The following RAPGEF1 variants were observed in gnomAD, a reference collection of about 807,000 sequenced individuals.
The protein encoded by RAPGEF1 is CRK SH3-binding GNRP.
RAPGEF1 carries 33 observed loss-of-function variants against 143.3 expected under a neutral mutation model. The observed-to-expected ratio is 0.23, with a 90% CI of 0.17 to 0.31. The LOEUF is 0.31. Ranked by LOEUF, RAPGEF1 falls within the 10% of genes least tolerant of loss-of-function variation. The pLI is 1.00. For missense variants in RAPGEF1, 1,199 were observed against 1,645.4 expected (o/e 0.73, Z 4.69); for synonymous variants, 629 against 676.5 (o/e 0.93, Z 1.09).
At position 131,650,173 on chromosome 9, in the gene RAPGEF1, A is replaced by G. The variant is rs1440670679; in HGVS notation, c.271T>C (p.Phe91Leu). 1 of 1,613,924 alleles carries G rather than the reference A, an allele frequency of 6.2e-7. No homozygotes were observed. Among genetic ancestry groups the G allele is most frequent in the South Asian group, 1.1e-5 (1 of 91,066 alleles). ...GAAGCCACAGCACTGGTGGACATAA[A>G]TTCTACTGCCTGCTGCTCCAGATCC... The part of the protein sequence containing the change: ...PLDLEQQAVE[F>L]MSTSAVASRS... The change falls in exon 3 of 27, where the codon TTT (phenylalanine) becomes CTT (leucine). Residue 91 changes from phenylalanine to leucine, a missense_variant. Coordinates refer to ENST00000683357, the MANE Select transcript of RAPGEF1 (RefSeq NM_001377935.1). The surrounding 1 kb of genome is among the most constrained non-coding windows in gnomAD (Gnocchi z 4.7).
chr9:131,714,610 A>G (rs1445131482), intron 1 of RAPGEF1, among the ~76,000 whole-genome samples: 2 of 152,104 alleles, frequency 1.3e-5, no homozygotes, highest in Non-Finnish European at 2.9e-5. Flanking sequence ...ATATAAACAA[A>G]AGCGATGACC....
Position 131,584,472 on chromosome 9 carries a change from G to A in RAPGEF1, c.3312+46C>T. 6.2e-7 allele frequency: 1 copy of A among 1,611,968 alleles called. No individual in the cohort carries two copies. On this transcript the variant is annotated intron_variant, in intron 23 of 26. Transcript: ENST00000683357. The surrounding 1 kb of genome is among the most constrained non-coding windows in gnomAD (Gnocchi z 6.8). ...GGCAGGCGGGTCCCGGGCTCCCAGAGCAGGGACTGATGATGGGGGCCTGGG... is the reference window on the plus strand; with the variant it reads ...GGCAGGCGGGTCCCGGGCTCCCAGAACAGGGACTGATGATGGGGGCCTGGG...
chr9:131,678,836 T>C (rs949936975), intron 1 of RAPGEF1, among the ~76,000 whole-genome samples: 21 of 152,096 alleles, frequency 1.4e-4, no homozygotes, highest in African/African-American at 5.1e-4. Context: ...GCCCTCTTCC[T>C]CCTCAGAGCA....
At position 131,628,963 on chromosome 9, in the gene RAPGEF1, G is replaced by T; in HGVS notation, c.893+139C>A. Reference sequence around the variant, plus strand: ...TCAGGGTGGCCAGCGAGGGCCGGCGGGGTGGGGACAGCTCCAGAGTCAGCC... The same window carrying T: ...TCAGGGTGGCCAGCGAGGGCCGGCGTGGTGGGGACAGCTCCAGAGTCAGCC... On this transcript the variant is annotated intron_variant, in intron 7 of 26. Transcript: ENST00000683357. This position sits in a 1 kb window ranked among gnomAD's most constrained non-coding sequence, Gnocchi z 5.7. The T allele has an allele frequency of 8.4e-7, 1 of 1,188,118 alleles. No individual in the cohort carries two copies. Among genetic ancestry groups the T allele is most frequent in the Non-Finnish European group, 1.1e-6 (1 of 871,452 alleles). The allele number at this position is 1,188,118 out of a possible 1,614,324, so 73.6% of individuals were successfully genotyped here.
intron 1 of RAPGEF1, among the ~76,000 whole-genome samples, chr9:131,735,943 A>T (rs950828041): frequency 2.6e-5 from 4 of 152,164 alleles, no homozygotes; most frequent in African/African-American, 7.2e-5. Flanking sequence ...CCAACCCAAC[A>T]TATCTGTGGA....
At chr9:131,686,458 C>T (rs190924040) in intron 1 of RAPGEF1, among the ~76,000 whole-genome samples, 15 of 152,180 alleles carry the variant, frequency 9.9e-5, no homozygotes, top group African/African-American at 3.4e-4. Flanking sequence ...CCCAACCCCC[C>T]ACCTGTATGG....
chr9:131,719,374 T>A (rs1836091379), intron 1 of RAPGEF1, among the ~76,000 whole-genome samples: 1 of 152,252 alleles, frequency 6.6e-6, no homozygotes, highest in Non-Finnish European at 1.5e-5. Flanking sequence ...GAAGCAGAAG[T>A]GTCACCATTT....
intron 15 of RAPGEF1, among the ~76,000 whole-genome samples, chr9:131,599,131 G>A (rs765763949): frequency 2.6e-5 from 3 of 115,230 alleles, no homozygotes; most frequent in Non-Finnish European, 3.7e-5. Flanking sequence ...CCACTTATTT[G>A]TTTTTTTTTT....
At position 131,599,105 on chromosome 9, in the gene RAPGEF1, G is replaced by T. The variant is rs181720918; in HGVS notation, c.2502-795C>A. Among the ~76,000 whole-genome samples, 52 of 150,178 alleles carry T rather than the reference G, an allele frequency of 3.5e-4. No homozygotes were observed. The East Asian group carries it at 9.2e-3, about 27-fold the overall frequency. ...CCCAAAGTGCTGGGATTATAGGTGTGAGCCACCGTGCCCAGCCACTTATTT... is the reference window on the plus strand; with the variant it reads ...CCCAAAGTGCTGGGATTATAGGTGTTAGCCACCGTGCCCAGCCACTTATTT... On this transcript the variant is annotated intron_variant, in intron 15 of 26. Transcript: ENST00000683357.
intron 12 of RAPGEF1, among the ~76,000 whole-genome samples, chr9:131,609,055 C>A (rs1004451621): frequency 6.6e-6 from 1 of 152,110 alleles, no homozygotes; most frequent in Non-Finnish European, 1.5e-5. Context: ...GATTTTAGAA[C>A]GGGAAGGGCT....
At chr9:131,731,153 C>T (rs1029670732) in intron 1 of RAPGEF1, among the ~76,000 whole-genome samples, 27 of 152,172 alleles carry the variant, frequency 1.8e-4, no homozygotes. Context: ...GTCTTAGTCT[C>T]CTCCTCTGTA....
At chr9:131,737,068 G>A (rs966151767) in intron 1 of RAPGEF1, among the ~76,000 whole-genome samples, 3 of 152,156 alleles carry the variant, frequency 2.0e-5, no homozygotes, top group Admixed American at 6.5e-5. Context: ...GTCTTCCTTG[G>A]CAGTTGTAAT....
At chr9:131,714,088 G>A (rs569888518) in intron 1 of RAPGEF1, among the ~76,000 whole-genome samples, 1 of 151,564 alleles carries the variant, frequency 6.6e-6, no homozygotes, top group African/African-American at 2.4e-5. Flanking sequence ...TCCCTATATT[G>A]CCCAGGTGGC....
chr9:131,631,476 C>T (rs894327931), intron 5 of RAPGEF1, among the ~76,000 whole-genome samples: 2 of 152,272 alleles, frequency 1.3e-5, no homozygotes, highest in Non-Finnish European at 2.9e-5. Context: ...TGTTCCCACT[C>T]GTGGATGCAC....
At chr9:131,665,422 C>T (rs979280480) in intron 1 of RAPGEF1, among the ~76,000 whole-genome samples, 10 of 152,266 alleles carry the variant, frequency 6.6e-5, no homozygotes, top group South Asian at 4.2e-4. Flanking sequence ...ACCTGCACCA[C>T]GGTCAGCCTG....
chr9:131,600,643 T>C (rs1311016177), intron 15 of RAPGEF1, among the ~76,000 whole-genome samples: 1 of 152,206 alleles, frequency 6.6e-6, no homozygotes, highest in Non-Finnish European at 1.5e-5. Context: ...GGCACTCCCT[T>C]GCTCTAAGGT....
At chr9:131,631,369 T>C (rs1416377462) in intron 5 of RAPGEF1, among the ~76,000 whole-genome samples, 4 of 152,156 alleles carry the variant, frequency 2.6e-5, no homozygotes, top group African/African-American at 4.8e-5. Context: ...TGCCAATCCA[T>C]TTCCTGTCCG....
At chr9:131,602,834 C>T (rs13301522) in intron 14 of RAPGEF1, among the ~76,000 whole-genome samples, 41,389 of 152,112 alleles carry the variant, frequency 0.27, 6,715 homozygotes, top group Non-Finnish European at 0.37. Flanking sequence ...CAACATGGCC[C>T]GCCAACATCC....
intron 1 of RAPGEF1, among the ~76,000 whole-genome samples, chr9:131,663,889 C>T (rs1470598610): frequency 1.3e-5 from 2 of 152,192 alleles, no homozygotes; most frequent in African/African-American, 4.8e-5. Flanking sequence ...AATAGTTTGG[C>T]ATCCACTGAT....
Sources: allele counts gnomAD v4.1 joint callset (sites outside exome capture counted in the v4.1 genomes callset), GRCh38; gene constraint gnomAD v4.1.1; non-coding constraint Gnocchi (gnomAD v3.1); transcripts MANE v1.5; gene names NCBI Gene and HGNC (gene_info 2026-07-23, HGNC 2026-07-21).